Variants in CDK13 observed in about 807,000 individuals in gnomAD.
CDK13 encodes cyclin dependent kinase 13.
Under a neutral mutation model 137.6 loss-of-function variants are expected in CDK13, and 40 were observed. The ratio of observed to expected loss-of-function variants is 0.29; its 90% confidence interval spans 0.23 to 0.38. CDK13 has a LOEUF of 0.38. Ranked by LOEUF, CDK13 falls within the 10% of genes least tolerant of loss-of-function variation. CDK13 has a pLI of 1.00. For missense variants in CDK13, 1,704 were observed against 1,951.8 expected, an observed-to-expected ratio of 0.87 and a Z score of 2.39; for synonymous variants, 869 against 760.1, an observed-to-expected ratio of 1.14 and a Z score of -2.36.
intron 1 of CDK13, chr7:39,986,732 T>A (rs1190418866): frequency 1.3e-5 from 2 of 152,250 alleles, no homozygotes; most frequent in Non-Finnish European, 1.5e-5. Context: ...TTTACTTTGT[T>A]GCATTTTCTG....
At chr7:39,953,382 A>G (rs1787299675) in intron 1 of CDK13, among the ~76,000 whole-genome samples, 1 of 152,172 alleles carries the variant, frequency 6.6e-6, no homozygotes. Flanking sequence ...TTGTTTTGCA[A>G]ACTGGTTGGT....
At chr7:40,023,935 T>C (rs1785183842) in intron 5 of CDK13, among the ~76,000 whole-genome samples, 1 of 152,204 alleles carries the variant, frequency 6.6e-6, no homozygotes, top group African/African-American at 2.4e-5. Flanking sequence ...TGTCTTCCAT[T>C]CTGCAAAGCA....
At position 39,988,033 on chromosome 7, in the gene CDK13, A is replaced by T; in HGVS notation, c.1646A>T (p.Glu549Val). 6.2e-7 allele frequency: 1 copy of T among 1,614,202 alleles called. No homozygotes were observed. The highest frequency in any genetic ancestry group is 8.5e-7 in the Non-Finnish European group (1 of 1,180,008). Residue 549 changes from glutamate to valine, a missense_variant, in exon 2 of 14, where the codon GAA becomes GTA. This residue lies in a region of CDK13 where 1,051 missense variants were observed against 931.0 expected (regional missense o/e 1.13). Coordinates refer to ENST00000181839, the MANE Select transcript of CDK13 (RefSeq NM_003718.5). ...CCACCTCTTCAGGTAACGAAGGTGG[A>T]AAATAATTTGATTGTAGATAAAGCC... is the stretch of plus-strand genomic sequence containing the variant. ...TKPPLQVTKVENNLIVDKATK... is the reference protein window; with the variant it reads ...TKPPLQVTKVVNNLIVDKATK...
At chr7:39,957,951 G>T (rs1787472933) in intron 1 of CDK13, among the ~76,000 whole-genome samples, 3 of 151,850 alleles carry the variant, frequency 2.0e-5, no homozygotes, top group Middle Eastern at 3.2e-3. Flanking sequence ...TTTGGTTTTG[G>T]TTGGCTTTGT....
At chr7:40,022,422 A>G (rs1295684208) in intron 5 of CDK13, among the ~76,000 whole-genome samples, 1 of 152,208 alleles carries the variant, frequency 6.6e-6, no homozygotes, top group Non-Finnish European at 1.5e-5. Flanking sequence ...ACCTTCAGGC[A>G]TAGTTTTTTC....
chr7:39,987,395 A>G (rs572349973), intron 1 of CDK13, among the ~76,000 whole-genome samples: 2 of 152,226 alleles, frequency 1.3e-5, no homozygotes, highest in East Asian at 3.8e-4. Context: ...GAGCGAGATC[A>G]GGGCAATCCA....
intron 5 of CDK13, among the ~76,000 whole-genome samples, chr7:40,027,752 A>G (rs1785276160): frequency 6.9e-6 from 1 of 144,134 alleles, no homozygotes; most frequent in South Asian, 2.1e-4. Context: ...TACATGACTC[A>G]GATTGGGCAG....
chr7:40,086,358 C>G (rs1786788126), intron 11 of CDK13, among the ~76,000 whole-genome samples: 1 of 152,050 alleles, frequency 6.6e-6, no homozygotes, highest in African/African-American at 2.4e-5. Flanking sequence ...TAAACAGATC[C>G]AGGTTGAGGA....
chr7:39,999,621 G>A, intron 4 of CDK13, 121 bp downstream of exon 4: 1 of 967,632 alleles, frequency 1.0e-6, no homozygotes, highest in Non-Finnish European at 1.5e-6. Flanking sequence ...TTGTGCTTTT[G>A]TTTCATCTTG....
chr7:40,002,203 G>GT (rs1335104241), intron 5 of CDK13, 172 bp downstream of exon 5: 1 of 477,938 alleles, frequency 2.1e-6, no homozygotes, highest in Non-Finnish European at 3.6e-6. Context: ...TACTTTAGTG[G>GT]TTTTTGAGTA....
chr7:40,084,977 G>C (rs1274086018), intron 11 of CDK13, among the ~76,000 whole-genome samples: 1 of 152,166 alleles, frequency 6.6e-6, no homozygotes, highest in African/African-American at 2.4e-5. Flanking sequence ...GAAAGTATCA[G>C]CATCAGTAAC....
At chr7:40,013,343 A>T (rs1485850020) in intron 5 of CDK13, among the ~76,000 whole-genome samples, 1 of 152,194 alleles carries the variant, frequency 6.6e-6, no homozygotes, top group Non-Finnish European at 1.5e-5. Flanking sequence ...TCATGGTTGC[A>T]CAACAGTATG....
intron 11 of CDK13, among the ~76,000 whole-genome samples, chr7:40,083,846 A>G (rs1046947239): frequency 1.3e-5 from 2 of 152,210 alleles, no homozygotes; most frequent in African/African-American, 4.8e-5. Flanking sequence ...ATATTTAAAT[A>G]AAAACATTTT....
intron 5 of CDK13, among the ~76,000 whole-genome samples, chr7:40,029,527 C>T (rs923207419): frequency 2.4e-4 from 37 of 151,784 alleles, no homozygotes; most frequent in Admixed American, 9.2e-4. Context: ...TGAGATCATC[C>T]TGGCCAACAT....
Position 40,062,793 on chromosome 7 carries a change from C to T in CDK13, c.2601-33C>T, listed in dbSNP as rs1355521012. ...AGAATCTGTCTTACTCCAACAAATA[C>T]TAACTCTAAAGACTGTTTTCTGTGT... On this transcript the variant is annotated intron_variant, in intron 7 of 13. Coordinates refer to ENST00000181839, the MANE Select transcript of CDK13 (RefSeq NM_003718.5). 4.2e-6 allele frequency: 6 copies of T among 1,418,222 alleles called. No individual in the cohort carries two copies. In the Admixed American group the frequency reaches 1.0e-4, roughly 24 times the overall value. 87.9% of individuals were successfully genotyped at this position (1,418,222 alleles called of 1,614,324 possible).
At chr7:39,983,139 T>C (rs573577496) in intron 1 of CDK13, among the ~76,000 whole-genome samples, 1 of 152,312 alleles carries the variant, frequency 6.6e-6, no homozygotes, top group South Asian at 2.1e-4. Context: ...CTTCTAGGGT[T>C]TTTATGGTTT....
At chr7:40,072,546 G>T (rs1000368191) in intron 9 of CDK13, 3 of 152,142 alleles carry the variant, frequency 2.0e-5, no homozygotes, top group Admixed American at 2.0e-4. Flanking sequence ...TTAAGGTGCT[G>T]GTAGTTTTAC....
chr7:40,014,240 TG>T (rs1253135456), intron 5 of CDK13, among the ~76,000 whole-genome samples: 1 of 151,770 alleles, frequency 6.6e-6, no homozygotes, highest in African/African-American at 2.4e-5. Flanking sequence ...AGCTAATTTT[TG>T]TATTTTTAAT....
In CDK13 at chr7:40,096,662, T is replaced by A. The variant is rs898265076; in HGVS notation, c.*1682T>A. On this transcript the variant is annotated 3_prime_UTR_variant, in exon 14 of 14. Transcript: ENST00000181839. ...TCTAAAGCCAGTTAACCCTGTGCCC[T>A]CTAACTTATGAACCTTCATTTCAAA... The A allele has an allele frequency of 6.6e-6, 1 of 152,154 alleles. No individual in the cohort carries two copies. Among genetic ancestry groups the A allele is most frequent in the Non-Finnish European group, 1.5e-5 (1 of 67,994 alleles). 9.4% of individuals were successfully genotyped at this position (152,154 alleles called of 1,614,324 possible).
Sources: allele counts gnomAD v4.1 joint callset (sites outside exome capture counted in the v4.1 genomes callset), GRCh38; gene constraint gnomAD v4.1.1; regional missense constraint gnomAD v4.1.1; transcripts MANE v1.5; gene names NCBI Gene and HGNC (gene_info 2026-07-23, HGNC 2026-07-21).